Variants in ADAMTS12 observed in about 807,000 individuals in gnomAD.
The protein encoded by ADAMTS12 is A disintegrin and metalloproteinase with thrombospondin motifs 12.
ADAMTS12 carries 118 observed loss-of-function variants against 167.8 expected under a neutral mutation model. The ratio of observed to expected loss-of-function variants is 0.70; its 90% CI spans 0.61 to 0.82. ADAMTS12 has a LOEUF of 0.82. ADAMTS12 is among the 40% of genes least tolerant of loss of function. The probability of loss-of-function intolerance (pLI) is 0.00; values close to 1 mark genes in which losing one functional copy is unlikely to be tolerated. For synonymous variants in ADAMTS12, 704 were observed against 716.9 expected, an observed-to-expected ratio of 0.98 and a Z score of 0.29; for missense variants, 1,916 against 1,998.8, an observed-to-expected ratio of 0.96 and a Z score of 0.79.
At chr5:33,653,604 T>C (rs1256806278) in intron 7 of ADAMTS12, among the ~76,000 whole-genome samples, 1 of 152,188 alleles carries the variant, frequency 6.6e-6, no homozygotes, top group Non-Finnish European at 1.5e-5. Flanking sequence ...AGGTCTTTTC[T>C]TTTAACATTG....
intron 9 of ADAMTS12, among the ~76,000 whole-genome samples, chr5:33,647,929 A>G (rs1028067898): frequency 6.6e-6 from 1 of 152,206 alleles, no homozygotes; most frequent in African/African-American, 2.4e-5. Context: ...CTGTATTAAA[A>G]TTTTTATGCC....
At chr5:33,782,918 T>C (rs1684946173) in intron 2 of ADAMTS12, among the ~76,000 whole-genome samples, 1 of 152,096 alleles carries the variant, frequency 6.6e-6, no homozygotes, top group Admixed American at 6.6e-5. Context: ...TGAACAATGC[T>C]ATCAACTTGA....
At chr5:33,677,964 T>C (rs981907092) in intron 5 of ADAMTS12, among the ~76,000 whole-genome samples, 5 of 152,184 alleles carry the variant, frequency 3.3e-5, no homozygotes, top group Admixed American at 1.3e-4. Context: ...ATGCATTTTA[T>C]GTATATAGCC....
At chr5:33,619,841 C>T (rs1303829629) in intron 14 of ADAMTS12, among the ~76,000 whole-genome samples, 3 of 152,122 alleles carry the variant, frequency 2.0e-5, no homozygotes, top group Non-Finnish European at 2.9e-5. Flanking sequence ...ACTACCAGCG[C>T]GTGCCACCAC....
intron 1 of ADAMTS12, among the ~76,000 whole-genome samples, chr5:33,887,049 C>T (rs1331556742): frequency 6.6e-6 from 1 of 152,090 alleles, no homozygotes; most frequent in Non-Finnish European, 1.5e-5. Context: ...GAAGCCCACA[C>T]TCACCATAGC....
At chr5:33,683,740 T>A in intron 4 of ADAMTS12, 119 bp downstream of exon 4, 1 of 603,820 alleles carries the variant, frequency 1.7e-6, no homozygotes, top group Non-Finnish European at 2.5e-6. Flanking sequence ...TAGATTCACA[T>A]ATATATTTAT....
intron 11 of ADAMTS12, among the ~76,000 whole-genome samples, chr5:33,640,158 A>G (rs1406744373): frequency 1.3e-5 from 2 of 152,196 alleles, no homozygotes; most frequent in Non-Finnish European, 2.9e-5. Context: ...ACTGGCCTGA[A>G]TCTGTGACTT....
chr5:33,531,609 T>C (rs111277445), intron 23 of ADAMTS12, among the ~76,000 whole-genome samples: 2,653 of 152,194 alleles, frequency 0.017, 73 homozygotes, highest in African/African-American at 0.061. Flanking sequence ...AGAGAATGAA[T>C]CTCTTGTACT....
chr5:33,852,042 C>G (rs1182899857), intron 2 of ADAMTS12, among the ~76,000 whole-genome samples: 1 of 152,224 alleles, frequency 6.6e-6, no homozygotes, highest in Non-Finnish European at 1.5e-5. Context: ...CTGACTATTC[C>G]TAAGCCTTAT....
chr5:33,824,307 C>T (rs1255987621), intron 2 of ADAMTS12, among the ~76,000 whole-genome samples: 1 of 152,124 alleles, frequency 6.6e-6, no homozygotes, highest in Admixed American at 6.5e-5. Context: ...AAGACGGGAA[C>T]AGAAAGGGGG....
chr5:33,716,646 TTG>T (rs1225763302), intron 3 of ADAMTS12, among the ~76,000 whole-genome samples: 6 of 152,202 alleles, frequency 3.9e-5, no homozygotes, highest in South Asian at 2.1e-4. Flanking sequence ...TTTATCAGAA[TTG>T]TGTTTTTTAT....
At chr5:33,579,170 C>T (rs1157225210) in intron 18 of ADAMTS12, among the ~76,000 whole-genome samples, 1 of 152,160 alleles carries the variant, frequency 6.6e-6, no homozygotes, top group Admixed American at 6.5e-5. Context: ...ACTCTGTGCT[C>T]CATCTATTTT....
intron 20 of ADAMTS12, among the ~76,000 whole-genome samples, chr5:33,558,258 G>A (rs1219413011): frequency 6.6e-6 from 1 of 151,856 alleles, no homozygotes; most frequent in Non-Finnish European, 1.5e-5. Flanking sequence ...ATAGTGGTCA[G>A]AAAAAACAAA....
At chr5:33,530,794 A>G (rs1295551603) in intron 23 of ADAMTS12, among the ~76,000 whole-genome samples, 1 of 152,202 alleles carries the variant, frequency 6.6e-6, no homozygotes, top group Non-Finnish European at 1.5e-5. Context: ...TCTTCTGCTA[A>G]GGGCAAAGGT....
At chr5:33,794,134 A>C (rs1746682697) in intron 2 of ADAMTS12, among the ~76,000 whole-genome samples, 1 of 152,120 alleles carries the variant, frequency 6.6e-6, no homozygotes, top group African/African-American at 2.4e-5. Flanking sequence ...CGCTCGGCTC[A>C]CTAACTTGAC....
At chr5:33,867,766 A>T (rs1472003749) in intron 2 of ADAMTS12, among the ~76,000 whole-genome samples, 1 of 152,166 alleles carries the variant, frequency 6.6e-6, no homozygotes, top group African/African-American at 2.4e-5. Flanking sequence ...TTCTTACAGA[A>T]TTTTTTTATC....
At chr5:33,685,986 G>A (rs552060247) in intron 3 of ADAMTS12, among the ~76,000 whole-genome samples, 1 of 152,244 alleles carries the variant, frequency 6.6e-6, no homozygotes, top group South Asian at 2.1e-4. Flanking sequence ...GTGGGCTGGT[G>A]TTTTCTGAAA....
chr5:33,571,631 C>T (rs1238450004), intron 19 of ADAMTS12, among the ~76,000 whole-genome samples: 11 of 151,026 alleles, frequency 7.3e-5, no homozygotes, highest in Admixed American at 5.9e-4. Context: ...ACTAAATGCC[C>T]ACAAGAGAAA....
intron 2 of ADAMTS12, among the ~76,000 whole-genome samples, chr5:33,766,157 T>C (rs1286423872): frequency 6.6e-6 from 1 of 152,118 alleles, no homozygotes; most frequent in Non-Finnish European, 1.5e-5. Flanking sequence ...GAGCAGAGTA[T>C]TAAAAGAGAA....
Sources: gnomAD v4.1 joint callset for allele counts (sites outside exome capture counted in the v4.1 genomes callset) on GRCh38, gnomAD v4.1.1 for gene constraint, MANE v1.5 for transcripts, NCBI Gene and HGNC (gene_info 2026-07-23, HGNC 2026-07-21) for gene names.